The following MAML2 variants were observed in gnomAD, a reference collection of about 807,000 sequenced individuals.
The protein encoded by MAML2 is mastermind like transcriptional coactivator 2.
MAML2 carries 22 observed loss-of-function variants against 96.1 expected under a neutral mutation model. The ratio of observed to expected loss-of-function variants is 0.23; its 90% CI spans 0.16 to 0.33. The LOEUF (loss-of-function observed/expected upper bound fraction) is 0.33, where lower values mean the gene tolerates loss of function less well. MAML2 is among the 10% of genes least tolerant of loss of function. The pLI, the probability that MAML2 is intolerant of heterozygous loss-of-function variation, is 1.00. For synonymous variants in MAML2, 561 were observed against 521.3 expected, an observed-to-expected ratio of 1.08 and a Z score of -1.04; for missense variants, 1,367 against 1,392.4, an observed-to-expected ratio of 0.98 and a Z score of 0.29.
intron 1 of MAML2, among the ~76,000 whole-genome samples, chr11:96,203,144 C>T (rs1031817412): frequency 3.3e-5 from 5 of 152,102 alleles, no homozygotes; most frequent in Admixed American, 3.3e-4. Context: ...CAACAAATAC[C>T]TATTGAATAC....
intron 2 of MAML2, among the ~76,000 whole-genome samples, chr11:96,013,115 T>C (rs1048219648): frequency 1.3e-5 from 2 of 152,158 alleles, no homozygotes; most frequent in Non-Finnish European, 2.9e-5. Flanking sequence ...AAAGAGAGAG[T>C]TATGAGATAC....
intron 2 of MAML2, among the ~76,000 whole-genome samples, chr11:96,054,188 C>G (rs1481302234): frequency 1.3e-5 from 2 of 152,188 alleles, no homozygotes; most frequent in African/African-American, 4.8e-5. Context: ...AAATGCCATT[C>G]TTTTCACAGA....
chr11:96,151,412 G>A (rs931338093), intron 1 of MAML2, among the ~76,000 whole-genome samples: 9 of 152,164 alleles, frequency 5.9e-5, no homozygotes, highest in Admixed American at 2.6e-4. Context: ...CAAGTAATCC[G>A]AAAGCTCCTG....
At chr11:96,007,876 T>G (rs1340765305) in intron 2 of MAML2, among the ~76,000 whole-genome samples, 3 of 31,042 alleles carry the variant, frequency 9.7e-5, no homozygotes, top group African/African-American at 1.4e-4. Flanking sequence ...GGGACTGTGG[T>G]GGGGTGGGGG....
rs139166176 is a variant in MAML2 at position 96,011,509 on chromosome 11, C to G, written c.2140-19786G>C. Among the ~76,000 whole-genome samples, 136 of 152,098 alleles carry G rather than the reference C, an allele frequency of 8.9e-4. 2 individuals are homozygous for G. The East Asian group carries it at 0.025, about 28-fold the overall frequency. ...ATATGTTCTCACTTATAAGTGAGAG[C>G]TAAACATTGAGTACACATGGACATA... On this transcript the variant is annotated intron_variant, in intron 2 of 4. Coordinates refer to ENST00000524717, the MANE Select transcript of MAML2 (RefSeq NM_032427.4).
chr11:96,270,937 T>G (rs930510211), intron 1 of MAML2, among the ~76,000 whole-genome samples: 7 of 151,962 alleles, frequency 4.6e-5, no homozygotes, highest in Admixed American at 3.9e-4. Flanking sequence ...GTGGCTAGAG[T>G]AAAGCAGGCA....
At chr11:96,062,093 C>T (rs1859170432) in intron 2 of MAML2, among the ~76,000 whole-genome samples, 1 of 152,074 alleles carries the variant, frequency 6.6e-6, no homozygotes, top group South Asian at 2.1e-4. Flanking sequence ...CTTTAGTAGT[C>T]TTTTCTGATA....
chr11:96,139,253 A>G (rs519265), intron 1 of MAML2, among the ~76,000 whole-genome samples: 97,975 of 151,920 alleles, frequency 0.64, 32,208 homozygotes, highest in East Asian at 0.98. Context: ...CGAGGCGGGC[A>G]GATCACGAGG....
chr11:96,028,258 C>G (rs1010233495), intron 2 of MAML2, among the ~76,000 whole-genome samples: 1 of 152,238 alleles, frequency 6.6e-6, no homozygotes, highest in Non-Finnish European at 1.5e-5. Context: ...CCATGTGCCA[C>G]AGCACCATTG....
intron 2 of MAML2, among the ~76,000 whole-genome samples, chr11:96,027,265 A>T (rs563772582): frequency 6.6e-6 from 1 of 152,228 alleles, no homozygotes; most frequent in Non-Finnish European, 1.5e-5. Context: ...ATAGAGTGCT[A>T]TTAAAGCTAG....
At chr11:96,230,423 A>G (rs1862276655) in intron 1 of MAML2, among the ~76,000 whole-genome samples, 1 of 152,048 alleles carries the variant, frequency 6.6e-6, no homozygotes, top group Non-Finnish European at 1.5e-5. Flanking sequence ...TTCTTTTTTC[A>G]ATGATTTATA....
intron 1 of MAML2, among the ~76,000 whole-genome samples, chr11:96,221,921 G>C (rs1862145491): frequency 6.6e-6 from 1 of 152,088 alleles, no homozygotes; most frequent in Admixed American, 6.5e-5. Flanking sequence ...ACTCTGTACG[G>C]TTTTCATTCC....
At chr11:96,340,459 G>A (rs960518692) in intron 1 of MAML2, among the ~76,000 whole-genome samples, 3 of 152,208 alleles carry the variant, frequency 2.0e-5, no homozygotes, top group African/African-American at 2.4e-5. Flanking sequence ...CAAACAGCAG[G>A]CAGTCACCTG....
chr11:96,232,946 C>T (rs1350335202), intron 1 of MAML2, among the ~76,000 whole-genome samples: 1 of 152,086 alleles, frequency 6.6e-6, no homozygotes, highest in African/African-American at 2.4e-5. Context: ...TTATTTAAGC[C>T]CTGATCTGTG....
intron 1 of MAML2, among the ~76,000 whole-genome samples, chr11:96,137,380 C>T (rs1421078240): frequency 6.6e-6 from 1 of 152,146 alleles, no homozygotes; most frequent in Non-Finnish European, 1.5e-5. Context: ...CTCTTACACG[C>T]CTGGATCAAA....
chr11:96,113,171 A>G (rs1381821985), intron 1 of MAML2, among the ~76,000 whole-genome samples: 1 of 30,580 alleles, frequency 3.3e-5, no homozygotes, highest in East Asian at 2.6e-3. Flanking sequence ...TCTTTAAAAG[A>G]CAAAAAAAAA....
chr11:96,171,470 C>G lies in MAML2; in HGVS notation c.514-77953G>C, dbSNP rs571899255. The stretch of plus-strand genomic sequence containing the variant: ...ACTCTGCAATCCAATGAGGGCATCT[C>G]TATTCCCAGGGCCCCAGTAAAATGC... On this transcript the variant is annotated intron_variant, in intron 1 of 4. Coordinates refer to ENST00000524717, the MANE Select transcript of MAML2 (RefSeq NM_032427.4). 5.9e-5 allele frequency among the ~76,000 whole-genome samples: 9 copies of G among 152,270 alleles called. No homozygotes were observed. In the South Asian group the frequency reaches 1.7e-3, roughly 28 times the overall value.
chr11:96,257,833 A>G (rs568683663), intron 1 of MAML2, among the ~76,000 whole-genome samples: 106 of 152,322 alleles, frequency 7.0e-4, no homozygotes, highest in African/African-American at 2.5e-3. Context: ...ACAGAAAGGA[A>G]AATAATGAAT....
intron 1 of MAML2, among the ~76,000 whole-genome samples, chr11:96,159,617 C>T (rs981795392): frequency 2.0e-5 from 3 of 151,640 alleles, no homozygotes; most frequent in Non-Finnish European, 2.9e-5. Context: ...GTAGAGACGG[C>T]GTTTCACCGT....
Sources: allele counts gnomAD v4.1 joint callset (sites outside exome capture counted in the v4.1 genomes callset), GRCh38; gene constraint gnomAD v4.1.1; transcripts MANE v1.5; gene names NCBI Gene and HGNC (gene_info 2026-07-23, HGNC 2026-07-21).